LRRC8C: variants seen among roughly 807,000 people sequenced by gnomAD.
The protein encoded by LRRC8C is volume-regulated anion channel subunit LRRC8C.
Under a neutral mutation model 55.3 loss-of-function variants are expected in LRRC8C, and 20 were observed. The observed-to-expected ratio is 0.36, with a 90% CI of 0.25 to 0.53. The LOEUF (loss-of-function observed/expected upper bound fraction) is 0.53, where lower values mean the gene tolerates loss of function less well. Among genes scored for constraint, LRRC8C ranks in the 20% least tolerant of loss-of-function variants. LRRC8C has a pLI of 0.92. For missense variants in LRRC8C, 659 were observed against 951.4 expected, an observed-to-expected ratio of 0.69 and a Z score of 4.04; for synonymous variants, 376 against 360.7, an observed-to-expected ratio of 1.04 and a Z score of -0.48.
chr1:89,661,656 G>A (rs1398009610), intron 1 of LRRC8C, among the ~76,000 whole-genome samples: 1 of 152,126 alleles, frequency 6.6e-6, no homozygotes, highest in Non-Finnish European at 1.5e-5. Flanking sequence ...TTGCAAATTG[G>A]GCAAAAATTT....
intron 2 of LRRC8C, among the ~76,000 whole-genome samples, chr1:89,710,733 CTTG>C (rs1380224112): frequency 1.3e-5 from 2 of 152,182 alleles, no homozygotes; most frequent in African/African-American, 2.4e-5. Context: ...AGCCTCATTT[CTTG>C]TTATCTGCAT....
At chr1:89,654,056 T>A (rs1424656585) in intron 1 of LRRC8C, among the ~76,000 whole-genome samples, 4 of 152,186 alleles carry the variant, frequency 2.6e-5, no homozygotes, top group African/African-American at 9.7e-5. Flanking sequence ...TCAATATATA[T>A]ACACAATGGA....
intron 1 of LRRC8C, among the ~76,000 whole-genome samples, chr1:89,672,406 C>G (rs1053198787): frequency 6.6e-6 from 1 of 152,198 alleles, no homozygotes; most frequent in African/African-American, 2.4e-5. Context: ...GGGATTATGT[C>G]TCTCTTACTC....
chr1:89,702,234 C>T (rs927090470), intron 2 of LRRC8C, among the ~76,000 whole-genome samples: 1 of 151,870 alleles, frequency 6.6e-6, no homozygotes, highest in Non-Finnish European at 1.5e-5. Flanking sequence ...CACAAAAGTA[C>T]ACTCAAGAGA....
upstream of LRRC8C, among the ~76,000 whole-genome samples, chr1:89,628,706 C>G (rs1656035582): frequency 6.6e-6 from 1 of 152,242 alleles, no homozygotes; most frequent in South Asian, 2.1e-4. Flanking sequence ...ATTCCTTCCT[C>G]CCAGGTATGG....
chr1:89,691,045 G>C lies in LRRC8C; in HGVS notation c.138+4434G>C, dbSNP rs576546404. 1.4e-4 allele frequency among the ~76,000 whole-genome samples: 21 copies of C among 152,304 alleles called. 1 individual carries two copies. The South Asian group carries it at 2.3e-3, about 17-fold the overall frequency. On this transcript the variant is annotated intron_variant, in intron 2 of 2. Transcript: ENST00000370454. ...CTGCAGGGCACAGAATTCATACGGG[G>C]TGGACTACTCAATTCAACAAACAAT...
intron 1 of LRRC8C, among the ~76,000 whole-genome samples, chr1:89,661,524 A>T (rs1351646630): frequency 6.6e-6 from 1 of 152,204 alleles, no homozygotes; most frequent in Non-Finnish European, 1.5e-5. Context: ...TGGCCTAAGT[A>T]GTATCTCCAT....
At chr1:89,615,887 C>G in the LRRC8C span, among the ~76,000 whole-genome samples, 4 of 152,138 alleles carry the variant, frequency 2.6e-5, no homozygotes, top group African/African-American at 9.7e-5. Context: ...AAACAGTTTT[C>G]TGCTTGTTTC....
upstream of LRRC8C, among the ~76,000 whole-genome samples, chr1:89,629,206 G>A (rs1656045796): frequency 6.6e-6 from 1 of 152,196 alleles, no homozygotes; most frequent in African/African-American, 2.4e-5. Context: ...TATCTTGCAG[G>A]TATTAATTCA....
rs921278750 is a variant in LRRC8C at position 89,714,054 on chromosome 1, T to A, written c.1484T>A (p.Val495Asp). Residue 495 changes from valine to aspartate, a missense_variant, in exon 3 of 3, where the codon GTC becomes GAC. Val to Asp is a radical substitution (Grantham distance 152, BLOSUM62 -3). Around this residue, in one of 5 missense-constraint regions of LRRC8C, gnomAD observed 344 missense variants for 464.6 expected, o/e 0.74. Coordinates refer to ENST00000370454, the MANE Select transcript of LRRC8C (RefSeq NM_032270.5). This position sits in a 1 kb window ranked among gnomAD's most constrained non-coding sequence, Gnocchi z 4.6. The part of the protein sequence containing the change: ...ALSFLKENLK[V>D]LSVKFDDMRE... ...TCTTTCCTGAAGGAAAACCTCAAGG[T>A]CTTGAGCGTCAAGTTTGATGACATG... The A allele has an allele frequency of 4.3e-6, 7 of 1,613,896 alleles. No homozygotes were observed. Among genetic ancestry groups the A allele is most frequent in the Non-Finnish European group, 5.1e-6 (6 of 1,180,032 alleles).
At chr1:89,661,580 T>C (rs1353286493) in intron 1 of LRRC8C, among the ~76,000 whole-genome samples, 1 of 152,164 alleles carries the variant, frequency 6.6e-6, no homozygotes, top group African/African-American at 2.4e-5. Flanking sequence ...CTCTTCTAAT[T>C]AACAGATATC....
chr1:89,688,519 G>C (rs972087636), intron 2 of LRRC8C, among the ~76,000 whole-genome samples: 6 of 152,214 alleles, frequency 3.9e-5, no homozygotes, highest in Non-Finnish European at 8.8e-5. Flanking sequence ...GCCTGGGAAG[G>C]CCTCATTGGA....
Position 89,713,439 on chromosome 1 carries a change from C to A in LRRC8C, c.869C>A (p.Thr290Lys). 6.2e-7 allele frequency: 1 copy of A among 1,614,140 alleles called. No individual in the cohort carries two copies. The highest frequency in any genetic ancestry group is 8.5e-7 in the Non-Finnish European group (1 of 1,180,008). ...GCTCTGGTTTCCAAGGTCCAGTTTA[C>A]AGTGGACTGTAATGTGGACATTCAG... is the stretch of plus-strand genomic sequence containing the variant. ...NSALVSKVQF[T>K]VDCNVDIQDM... Residue 290 changes from threonine to lysine, a missense_variant, in exon 3 of 3, where the codon ACA becomes AAA. Thr to Lys is a moderately conservative substitution (Grantham distance 78). Around this residue, in one of 5 missense-constraint regions of LRRC8C, gnomAD observed 200 missense variants for 360.5 expected, o/e 0.55. Transcript: ENST00000370454. The surrounding 1 kb of genome is among the most constrained non-coding windows in gnomAD (Gnocchi z 5.2).
Position 89,712,856 on chromosome 1 carries a change from ATGAAAGGCC to A in LRRC8C, c.291_299del (p.Gly98_Lys100del). On this transcript the variant is annotated inframe_deletion, in exon 3 of 3. Coordinates refer to ENST00000370454, the MANE Select transcript of LRRC8C (RefSeq NM_032270.5). ...TCCTGCTAACCCCATCACTGTGGAAATGAAAGGCCTGAAGACAGATTTGGACCTTCAGCA... is the reference window on the plus strand; with the variant it reads ...TCCTGCTAACCCCATCACTGTGGAAATGAAGACAGATTTGGACCTTCAGCA... 1 of 1,614,222 alleles carries A rather than the reference ATGAAAGGCC, an allele frequency of 6.2e-7. No homozygotes were observed. Among genetic ancestry groups the A allele is most frequent in the Non-Finnish European group, 8.5e-7 (1 of 1,180,036 alleles).
intron 1 of LRRC8C, among the ~76,000 whole-genome samples, chr1:89,679,813 G>C (rs1657648436): frequency 6.6e-6 from 1 of 152,098 alleles, no homozygotes; most frequent in African/African-American, 2.4e-5. Flanking sequence ...CCCACTGTCA[G>C]AAAAATGTGG....
intron 1 of LRRC8C, among the ~76,000 whole-genome samples, chr1:89,685,264 G>A (rs1017948775): frequency 4.1e-5 from 6 of 147,120 alleles, no homozygotes; most frequent in South Asian, 2.2e-4. Flanking sequence ...GACTACAGGC[G>A]CCCGCCACCG....
At chr1:89,691,953 T>C in intron 2 of LRRC8C, among the ~76,000 whole-genome samples, 1 of 152,174 alleles carries the variant, frequency 6.6e-6, no homozygotes. Flanking sequence ...AAAGAAAAAT[T>C]TGCACTCTAT....
At chr1:89,709,866 C>G (rs1254707130) in intron 2 of LRRC8C, among the ~76,000 whole-genome samples, 1 of 151,982 alleles carries the variant, frequency 6.6e-6, no homozygotes, top group African/African-American at 2.4e-5. Context: ...ATTTTCCTGC[C>G]TCAGCCTCCC....
intron 1 of LRRC8C, among the ~76,000 whole-genome samples, chr1:89,686,067 A>AG (rs1378989245): frequency 6.6e-6 from 1 of 151,748 alleles, no homozygotes; most frequent in Non-Finnish European, 1.5e-5. Context: ...AAAAAAAAAA[A>AG]GCTTAAAGCA....
Sources: gnomAD v4.1 joint callset for allele counts (sites outside exome capture counted in the v4.1 genomes callset) on GRCh38, gnomAD v4.1.1 for gene constraint, gnomAD v4.1.1 regional missense constraint, Gnocchi (gnomAD v3.1) non-coding constraint, MANE v1.5 for transcripts, NCBI Gene and HGNC (gene_info 2026-07-23, HGNC 2026-07-21) for gene names.